Variants in FUBP3 observed in about 807,000 individuals in gnomAD.
The protein encoded by FUBP3 is far upstream element binding protein 3.
Under a neutral mutation model 85.6 loss-of-function variants are expected in FUBP3, and 28 were observed. The observed-to-expected ratio is 0.33, with a 90% CI of 0.24 to 0.45. FUBP3 has a LOEUF of 0.45. Among genes scored for constraint, FUBP3 ranks in the 20% least tolerant of loss-of-function variants. FUBP3 has a pLI of 1.00. For synonymous variants in FUBP3, 271 were observed against 271.4 expected (o/e 1.00, Z 0.01); for missense variants, 583 against 755.1 (o/e 0.77, Z 2.67).
intron 17 of FUBP3, 78 bp downstream of exon 17, chr9:130,634,816 C>T: frequency 1.8e-6 from 2 of 1,141,552 alleles, no homozygotes; most frequent in Non-Finnish European, 2.6e-6. Flanking sequence ...GGCTCACTGT[C>T]ACCTCTTTTT....
chr9:130,609,350 C>T (rs972765624), intron 2 of FUBP3, among the ~76,000 whole-genome samples: 3 of 151,104 alleles, frequency 2.0e-5, no homozygotes, highest in Admixed American at 2.0e-4. Flanking sequence ...TCTTAGTGTC[C>T]GCTGCACATG....
intron 11 of FUBP3, among the ~76,000 whole-genome samples, chr9:130,625,216 A>AG (rs1564219292): frequency 6.6e-6 from 1 of 152,264 alleles, no homozygotes; most frequent in Non-Finnish European, 1.5e-5. Flanking sequence ...TCTCAAAAAA[A>AG]GTTTATGAAC....
chr9:130,585,522 T>G (rs1277344052), intron 1 of FUBP3, among the ~76,000 whole-genome samples: 1 of 152,204 alleles, frequency 6.6e-6, no homozygotes, highest in Non-Finnish European at 1.5e-5. Flanking sequence ...ATAGGCTGTT[T>G]AAAGATCTTC....
At chr9:130,606,420 TG>T (rs2119057201) in intron 2 of FUBP3, among the ~76,000 whole-genome samples, 1 of 152,314 alleles carries the variant, frequency 6.6e-6, no homozygotes, top group African/African-American at 2.4e-5. Context: ...CACCTGCCTC[TG>T]GCCAGTGGTT....
intron 11 of FUBP3, among the ~76,000 whole-genome samples, chr9:130,624,870 G>A (rs1276604936): frequency 6.6e-6 from 1 of 152,122 alleles, no homozygotes; most frequent in Non-Finnish European, 1.5e-5. Flanking sequence ...CGGATCACCT[G>A]AGGTCAGGAG....
At chr9:130,589,694 TA>T (rs1830516290) in intron 1 of FUBP3, among the ~76,000 whole-genome samples, 2 of 32,008 alleles carry the variant, frequency 6.2e-5, no homozygotes, top group African/African-American at 2.5e-4. Flanking sequence ...TATATATATA[TA>T]TATATATATA....
chr9:130,617,650 C>T (rs1832076617), intron 7 of FUBP3, 147 bp from the exon 8 acceptor site: 1 of 689,390 alleles, frequency 1.5e-6, no homozygotes, highest in Non-Finnish European at 2.7e-6. Context: ...TCACAGAAGC[C>T]AGCTTCATGG....
intron 2 of FUBP3, among the ~76,000 whole-genome samples, chr9:130,606,791 G>A (rs1332881950): frequency 6.6e-6 from 1 of 151,722 alleles, no homozygotes; most frequent in African/African-American, 2.4e-5. Flanking sequence ...TTGCACTCCA[G>A]CCTGGGCAAG....
At chr9:130,613,664 T>G (rs1185377917) in intron 5 of FUBP3, among the ~76,000 whole-genome samples, 1 of 152,230 alleles carries the variant, frequency 6.6e-6, no homozygotes, top group Non-Finnish European at 1.5e-5. Context: ...TAAAAGATAC[T>G]TATTACAGTG....
chr9:130,618,463 C>T (rs1274214619), intron 8 of FUBP3, among the ~76,000 whole-genome samples: 5 of 152,364 alleles, frequency 3.3e-5, no homozygotes, highest in East Asian at 1.9e-4. Flanking sequence ...AAGTGTCCTG[C>T]GCCCCGAGCT....
chr9:130,594,826 A>T (rs1193895568), intron 1 of FUBP3, among the ~76,000 whole-genome samples: 2 of 151,574 alleles, frequency 1.3e-5, no homozygotes, highest in Non-Finnish European at 2.9e-5. Flanking sequence ...ACCCTGTGAG[A>T]AAAGTTAAAC....
At position 130,612,036 on chromosome 9, in the gene FUBP3, C is replaced by T. The variant is rs1379595482; in HGVS notation, c.225-420C>T. Among the ~76,000 whole-genome samples the T allele has an allele frequency of 1.3e-5, 2 of 152,160 alleles. No individual in the cohort carries two copies. The highest frequency in any genetic ancestry group is 2.9e-5 in the Non-Finnish European group (2 of 68,030). ...GAAGAAAAGATGGATATCTCTTCATCTAGAGAGGACTCCACAATAGAAGTC... is the reference window on the plus strand; with the variant it reads ...GAAGAAAAGATGGATATCTCTTCATTTAGAGAGGACTCCACAATAGAAGTC... On this transcript the variant is annotated intron_variant, in intron 3 of 18. Transcript: ENST00000319725. This position sits in a 1 kb window ranked among gnomAD's most constrained non-coding sequence, Gnocchi z 4.1.
intron 2 of FUBP3, among the ~76,000 whole-genome samples, chr9:130,597,100 G>A (rs1239884988): frequency 3.6e-5 from 5 of 137,434 alleles, no homozygotes; most frequent in African/African-American, 1.4e-4. Flanking sequence ...CTATGTCCAT[G>A]AGTTCAACTG....
chr9:130,624,058 G>A (rs1419047039), intron 11 of FUBP3, among the ~76,000 whole-genome samples: 1 of 152,178 alleles, frequency 6.6e-6, no homozygotes, highest in Non-Finnish European at 1.5e-5. Context: ...CTTAGTGGTA[G>A]AAGACACTTC....
intron 1 of FUBP3, 29 bp downstream of exon 1, chr9:130,579,793 C>A: frequency 1.6e-6 from 2 of 1,233,218 alleles, no homozygotes; most frequent in Non-Finnish European, 2.0e-6. Context: ...GGCAGGAGCA[C>A]GAGATCCCGA....
intron 2 of FUBP3, among the ~76,000 whole-genome samples, chr9:130,609,282 T>G (rs890585536): frequency 6.6e-6 from 1 of 152,178 alleles, no homozygotes; most frequent in Non-Finnish European, 1.5e-5. Context: ...GTTTTAATAA[T>G]AAGAGGCTGT....
chr9:130,631,251 A>G, intron 13 of FUBP3: 2 of 1,303,508 alleles, frequency 1.5e-6, no homozygotes, highest in Non-Finnish European at 1.9e-6. Context: ...AGAATGGCAG[A>G]AAGAGCCTTG....
intron 7 of FUBP3, among the ~76,000 whole-genome samples, chr9:130,617,336 G>C (rs936139177): frequency 6.6e-6 from 1 of 152,220 alleles, no homozygotes; most frequent in African/African-American, 2.4e-5. Flanking sequence ...TGGTTGTAAG[G>C]ATGGTATCCT....
At chr9:130,587,772 G>A (rs1021606897) in intron 1 of FUBP3, among the ~76,000 whole-genome samples, 2 of 152,142 alleles carry the variant, frequency 1.3e-5, no homozygotes, top group African/African-American at 4.8e-5. Flanking sequence ...TTTGTCTTAA[G>A]GGTACCAAGA....
Sources: allele counts gnomAD v4.1 joint callset (sites outside exome capture counted in the v4.1 genomes callset), GRCh38; gene constraint gnomAD v4.1.1; non-coding constraint Gnocchi (gnomAD v3.1); transcripts MANE v1.5; gene names NCBI Gene and HGNC (gene_info 2026-07-23, HGNC 2026-07-21).